Variants in GNAL observed in about 807,000 individuals in gnomAD.
GNAL encodes the protein guanine nucleotide-binding protein G(olf) subunit alpha.
Under a neutral mutation model 55.1 loss-of-function variants are expected in GNAL, and 18 were observed. The observed-to-expected ratio is 0.33, with a 90% CI of 0.23 to 0.48. GNAL has a LOEUF of 0.48. Ranked by LOEUF, GNAL falls within the 20% of genes least tolerant of loss-of-function variation. The pLI, the probability that GNAL is intolerant of heterozygous loss-of-function variation, is 0.99. For synonymous variants in GNAL, 253 were observed against 237.0 expected (o/e 1.07, Z -0.62); for missense variants, 412 against 614.1 (o/e 0.67, Z 3.48).
chr18:11,878,571 A>G (rs1467675324), intron 11 of GNAL, among the ~76,000 whole-genome samples: 1 of 151,924 alleles, frequency 6.6e-6, no homozygotes, highest in Non-Finnish European at 1.5e-5. Context: ...AGCCTTTTTT[A>G]GTTTGTTTAT....
At chr18:11,735,747 CCT>C (rs991933648) in intron 1 of GNAL, among the ~76,000 whole-genome samples, 6 of 140,388 alleles carry the variant, frequency 4.3e-5, no homozygotes, top group African/African-American at 1.6e-4. Context: ...AGAGTGAGAA[CCT>C]GTCTCAAAAA....
intron 1 of GNAL, among the ~76,000 whole-genome samples, chr18:11,739,466 T>A (rs1199743617): frequency 6.6e-6 from 1 of 152,086 alleles, no homozygotes; most frequent in Non-Finnish European, 1.5e-5. Context: ...TCAAAATCAC[T>A]CGATTGGATA....
intron 9 of GNAL, among the ~76,000 whole-genome samples, chr18:11,871,249 C>T (rs2855637): frequency 0.26 from 37,599 of 143,772 alleles, 5,353 homozygotes; most frequent in African/African-American, 0.42. Context: ...GTGGGTTTTT[C>T]TTTCTTTTTT....
chr18:11,752,630 A>G lies in GNAL; in HGVS notation c.377-223A>G. On this transcript the variant is annotated intron_variant, in intron 1 of 11. Transcript: ENST00000334049. This position sits in a 1 kb window ranked among gnomAD's most constrained non-coding sequence, Gnocchi z 4.5. ...CCCGGCCCCAGCGGAGCGCACAGCC[A>G]GGAGCGGCGAGCGCCAGGCTGGGCG... 1.3e-6 allele frequency: 2 copies of G among 1,496,610 alleles called. No homozygotes were observed. Among genetic ancestry groups the G allele is most frequent in the Non-Finnish European group, 1.8e-6 (2 of 1,131,568 alleles). 92.7% of individuals were successfully genotyped at this position (1,496,610 alleles called of 1,614,324 possible).
rs541683858 is a variant in GNAL at position 11,880,910 on chromosome 18, C to G, written c.1231-79C>G. 6.8e-6 allele frequency: 10 copies of G among 1,462,056 alleles called. No homozygotes were observed. In the South Asian group the frequency reaches 1.2e-4, roughly 18 times the overall value. 90.6% of individuals were successfully genotyped at this position (1,462,056 alleles called of 1,614,324 possible). ...GCCACTGTCACCAAAGCCTCCAGCA[C>G]CTGCTCAGCGTGGCCTAGTCCTTCC... On this transcript the variant is annotated intron_variant, in intron 11 of 11. Transcript: ENST00000334049.
At chr18:11,820,863 A>G (rs995887226) in intron 4 of GNAL, among the ~76,000 whole-genome samples, 7 of 152,304 alleles carry the variant, frequency 4.6e-5, no homozygotes, top group African/African-American at 1.7e-4. Flanking sequence ...TATCTAAATC[A>G]CCTACTTAAA....
intron 4 of GNAL, among the ~76,000 whole-genome samples, chr18:11,765,958 G>A (rs1272329220): frequency 2.6e-5 from 4 of 152,120 alleles, no homozygotes; most frequent in African/African-American, 4.8e-5. Flanking sequence ...AGAATATGGC[G>A]TTAAACATAC....
intron 5 of GNAL, among the ~76,000 whole-genome samples, chr18:11,827,754 G>A (rs112914009): frequency 0.021 from 3,192 of 152,194 alleles, 111 homozygotes; most frequent in African/African-American, 0.072. Context: ...GGCAGATCAC[G>A]AGGTCAGGAG....
intron 1 of GNAL, among the ~76,000 whole-genome samples, chr18:11,734,241 C>G (rs1319868533): frequency 2.6e-5 from 4 of 151,086 alleles, no homozygotes; most frequent in Non-Finnish European, 5.9e-5. Context: ...CCTCCCAGTT[C>G]AAGCGATTCT....
chr18:11,730,031 C>CTTTTTTTTTTT (rs1431492708), intron 1 of GNAL, among the ~76,000 whole-genome samples: 1 of 151,434 alleles, frequency 6.6e-6, no homozygotes, highest in African/African-American at 2.4e-5. Context: ...TTTTTCTTTT[C>CTTTTTTTTTTT]TTTTCTTTTC....
At chr18:11,757,420 G>A (rs2033094820) in intron 4 of GNAL, among the ~76,000 whole-genome samples, 1 of 152,206 alleles carries the variant, frequency 6.6e-6, no homozygotes, top group African/African-American at 2.4e-5. Context: ...GGATTGTGGG[G>A]AGGCAGGAGT....
chr18:11,781,263 C>T (rs1204968408), intron 4 of GNAL, among the ~76,000 whole-genome samples: 1 of 152,196 alleles, frequency 6.6e-6, no homozygotes, highest in Admixed American at 6.5e-5. Flanking sequence ...GACTTAGAAA[C>T]ACCTAACCAT....
rs536883406 is a variant in GNAL, at chr18:11,840,629, T to G, written c.722+15614T>G. On this transcript the variant is annotated intron_variant, in intron 5 of 11. Coordinates refer to ENST00000334049, the MANE Select transcript of GNAL (RefSeq NM_182978.4). ...TTATCTAGGAGTCCTCAGACTTCCCTTTGTTACCCTTTGTTGACCACGTGC... is the reference window on the plus strand; with the variant it reads ...TTATCTAGGAGTCCTCAGACTTCCCGTTGTTACCCTTTGTTGACCACGTGC... 2.0e-5 allele frequency among the ~76,000 whole-genome samples: 3 copies of G among 152,288 alleles called. No individual in the cohort carries two copies. In the South Asian group the frequency reaches 6.2e-4, roughly 32 times the overall value.
intron 4 of GNAL, among the ~76,000 whole-genome samples, chr18:11,823,525 C>G (rs1392154674): frequency 6.6e-6 from 1 of 152,168 alleles, no homozygotes; most frequent in Non-Finnish European, 1.5e-5. Context: ...GGATTTATAC[C>G]TAATTTTGTA....
intron 4 of GNAL, 75 bp downstream of exon 4, chr18:11,754,020 C>T: frequency 9.3e-7 from 1 of 1,079,202 alleles, no homozygotes; most frequent in South Asian, 1.3e-5. Flanking sequence ...TATTGAGAAT[C>T]AATATTGATA....
intron 5 of GNAL, among the ~76,000 whole-genome samples, chr18:11,844,352 T>A: frequency 6.6e-6 from 1 of 152,134 alleles, no homozygotes; most frequent in East Asian, 1.9e-4. Flanking sequence ...GAGAATCGCT[T>A]GAACCCGGGA....
rs556807114 is a variant in GNAL, at chr18:11,752,333, A to T, written c.377-520A>T. The T allele has an allele frequency of 6.7e-7, 1 of 1,482,704 alleles. No individual in the cohort carries two copies. Among genetic ancestry groups the T allele is most frequent in the Non-Finnish European group, 8.9e-7 (1 of 1,121,294 alleles). 91.8% of individuals were successfully genotyped at this position (1,482,704 alleles called of 1,614,324 possible). A position where few individuals can be genotyped will look rare whatever the true frequency, so the allele number is the denominator to read the frequency against. The stretch of plus-strand genomic sequence containing the variant: ...AGACCAGACCATCTCTTTCAGCAGC[A>T]GGAAAGAGAGGAGCCGTCGCAGGAG... On this transcript the variant is annotated intron_variant, in intron 1 of 11. Transcript: ENST00000334049. This position sits in a 1 kb window ranked among gnomAD's most constrained non-coding sequence, Gnocchi z 4.5.
chr18:11,760,991 G>T (rs1220196669), intron 4 of GNAL, among the ~76,000 whole-genome samples: 1 of 152,176 alleles, frequency 6.6e-6, no homozygotes, highest in South Asian at 2.1e-4. Flanking sequence ...GGACATGGGC[G>T]GTACAGCTTT....
At chr18:11,703,803 A>ATG (rs2031640734) in intron 1 of GNAL, among the ~76,000 whole-genome samples, 1 of 142,126 alleles carries the variant, frequency 7.0e-6, no homozygotes, top group African/African-American at 2.6e-5. Flanking sequence ...GGGCACACAC[A>ATG]CACACACACA....
Sources: gnomAD v4.1 joint callset for allele counts (sites outside exome capture counted in the v4.1 genomes callset) on GRCh38, gnomAD v4.1.1 for gene constraint, Gnocchi (gnomAD v3.1) non-coding constraint, MANE v1.5 for transcripts, NCBI Gene and HGNC (gene_info 2026-07-23, HGNC 2026-07-21) for gene names.